KLHL29: variants seen among roughly 807,000 people sequenced by gnomAD.
The protein encoded by KLHL29 is kelch-like protein 29.
Under a neutral mutation model 80.4 loss-of-function variants are expected in KLHL29, and 21 were observed. The observed-to-expected ratio is 0.26, with a 90% CI of 0.19 to 0.38. The LOEUF (loss-of-function observed/expected upper bound fraction) is 0.38, where lower values mean the gene tolerates loss of function less well. Among genes scored for constraint, KLHL29 ranks in the 10% least tolerant of loss-of-function variants. KLHL29 has a pLI of 1.00. For missense variants in KLHL29, 867 were observed against 1,223.9 expected (o/e 0.71, Z 4.35); for synonymous variants, 511 against 526.8 (o/e 0.97, Z 0.41).
intron 3 of KLHL29, among the ~76,000 whole-genome samples, chr2:23,608,811 G>A (rs529695593): frequency 1.3e-5 from 2 of 152,074 alleles, no homozygotes; most frequent in South Asian, 4.2e-4. Flanking sequence ...TCACACAATT[G>A]TTTTTTTCTA....
At chr2:23,464,064 G>C (rs1246651831) in intron 1 of KLHL29, among the ~76,000 whole-genome samples, 1 of 152,176 alleles carries the variant, frequency 6.6e-6, no homozygotes, top group African/African-American at 2.4e-5. Context: ...GCCCTGAGAG[G>C]TTCAAAGCCT....
intron 5 of KLHL29, among the ~76,000 whole-genome samples, chr2:23,683,701 T>C (rs1041241186): frequency 6.6e-6 from 1 of 152,144 alleles, no homozygotes; most frequent in Non-Finnish European, 1.5e-5. Context: ...CTCTGCCCCA[T>C]GTCAAAGCCC....
chr2:23,706,407 C>G lies in KLHL29; in HGVS notation c.2445-74C>G, dbSNP rs113055609. The G allele has an allele frequency of 3.0e-5, 37 of 1,213,552 alleles. No homozygotes were observed. In the South Asian group the frequency reaches 6.5e-4, roughly 21 times the overall value. 75.2% of individuals were successfully genotyped at this position (1,213,552 alleles called of 1,614,324 possible). On this transcript the variant is annotated intron_variant, in intron 13 of 13. Transcript: ENST00000486442. ...GGCACAGGCAGCCTACAACAGGACA[C>G]GACGTTGAGAACCTATCTCCAGGGC... is the stretch of plus-strand genomic sequence containing the variant.
In KLHL29 at chr2:23,457,953, C is replaced by G. The variant is rs1407186947; in HGVS notation, c.-153-17607C>G. ...GCATGAACCAGGGAGGCGGAGCTTG[C>G]AGTGAACTGAGATCACGCCACTGCA... is the stretch of plus-strand genomic sequence containing the variant. On this transcript the variant is annotated intron_variant, in intron 1 of 13. Coordinates refer to ENST00000486442, the MANE Select transcript of KLHL29 (RefSeq NM_052920.2). This position sits in a 1 kb window ranked among gnomAD's most constrained non-coding sequence, Gnocchi z 4.3. Among the ~76,000 whole-genome samples, 1 of 152,104 alleles carries G rather than the reference C, an allele frequency of 6.6e-6. No individual in the cohort carries two copies. Among genetic ancestry groups the G allele is most frequent in the Non-Finnish European group, 1.5e-5 (1 of 68,010 alleles).
chr2:23,600,750 G>A (rs919436519), intron 3 of KLHL29, among the ~76,000 whole-genome samples: 3 of 152,198 alleles, frequency 2.0e-5, no homozygotes, highest in African/African-American at 7.2e-5. Context: ...CATCAGGTTG[G>A]GAGAGGGGAA....
intron 3 of KLHL29, among the ~76,000 whole-genome samples, chr2:23,599,670 G>A (rs1446871376): frequency 6.6e-6 from 1 of 152,104 alleles, no homozygotes; most frequent in Non-Finnish European, 1.5e-5. Flanking sequence ...GTCAGAACAA[G>A]AAGAATTATA....
At chr2:23,387,606 T>C (rs999484050) in intron 1 of KLHL29, among the ~76,000 whole-genome samples, 1 of 151,962 alleles carries the variant, frequency 6.6e-6, no homozygotes, top group Non-Finnish European at 1.5e-5. Flanking sequence ...AACAATTTTA[T>C]AGATTGTTCT....
intron 5 of KLHL29, among the ~76,000 whole-genome samples, chr2:23,674,383 C>T (rs1392890671): frequency 3.3e-5 from 5 of 152,180 alleles, no homozygotes; most frequent in Non-Finnish European, 7.4e-5. Flanking sequence ...GCCCCAGCCT[C>T]ATTCAGCGGT....
intron 1 of KLHL29, among the ~76,000 whole-genome samples, chr2:23,388,460 G>A (rs931564930): frequency 1.3e-5 from 2 of 152,162 alleles, no homozygotes; most frequent in East Asian, 1.9e-4. Flanking sequence ...GAAGTGTGGC[G>A]GTTGGTGTGG....
chr2:23,465,803 C>T (rs1461669914), intron 1 of KLHL29, among the ~76,000 whole-genome samples: 1 of 152,180 alleles, frequency 6.6e-6, no homozygotes, highest in Non-Finnish European at 1.5e-5. Context: ...GCTGTGAAGT[C>T]GTCCTACTCC....
In KLHL29 at chr2:23,700,585, C is replaced by A. The variant is rs1672300447; in HGVS notation, c.2106-2601C>A. ...AACCAGCAAACGCTACAAACCATGA[C>A]GTTTTCCCTAGAGAGCTGGCTGTTA... On this transcript the variant is annotated intron_variant, in intron 11 of 13. Transcript: ENST00000486442. This position sits in a 1 kb window ranked among gnomAD's most constrained non-coding sequence, Gnocchi z 4.6. Among the ~76,000 whole-genome samples the A allele has an allele frequency of 6.6e-6, 1 of 152,178 alleles. No individual in the cohort carries two copies. Among genetic ancestry groups the A allele is most frequent in the Non-Finnish European group, 1.5e-5 (1 of 68,032 alleles).
At chr2:23,410,736 A>G (rs1666842324) in intron 1 of KLHL29, among the ~76,000 whole-genome samples, 2 of 152,042 alleles carry the variant, frequency 1.3e-5, no homozygotes. Flanking sequence ...GGAGGAGGGC[A>G]TTGCATTTCC....
At chr2:23,419,502 C>T (rs1662720121) in intron 1 of KLHL29, among the ~76,000 whole-genome samples, 1 of 152,228 alleles carries the variant, frequency 6.6e-6, no homozygotes, top group Non-Finnish European at 1.5e-5. Flanking sequence ...CTCCTTGTCC[C>T]TGTCTCGCTA....
chr2:23,415,188 G>T (rs765835271), intron 1 of KLHL29, among the ~76,000 whole-genome samples: 3 of 152,216 alleles, frequency 2.0e-5, no homozygotes, highest in Non-Finnish European at 4.4e-5. Flanking sequence ...GTGTGTCGGT[G>T]CGTCCTGTTG....
intron 1 of KLHL29, among the ~76,000 whole-genome samples, chr2:23,395,074 G>A (rs1328036253): frequency 6.6e-6 from 1 of 152,186 alleles, no homozygotes. Context: ...CTTGGTCCTG[G>A]CACAGGCTGG....
At chr2:23,566,146 A>T (rs537742754) in intron 3 of KLHL29, among the ~76,000 whole-genome samples, 145 of 152,328 alleles carry the variant, frequency 9.5e-4, no homozygotes, top group Non-Finnish European at 1.6e-3. Context: ...TGGCCTAAAG[A>T]TTCCTCACGT....
chr2:23,456,066 C>T (rs577400676), intron 1 of KLHL29, among the ~76,000 whole-genome samples: 1 of 152,324 alleles, frequency 6.6e-6, no homozygotes, highest in South Asian at 2.1e-4. Flanking sequence ...ACACTTTGAT[C>T]TTGGACTTCT....
chr2:23,631,334 A>G (rs1213967923), intron 3 of KLHL29, among the ~76,000 whole-genome samples: 33 of 152,276 alleles, frequency 2.2e-4, no homozygotes, highest in Admixed American at 2.2e-3. Context: ...TGAAATTAAA[A>G]TTTAAATAAA....
intron 2 of KLHL29, among the ~76,000 whole-genome samples, chr2:23,509,593 G>C (rs1265968124): frequency 1.3e-5 from 2 of 152,146 alleles, no homozygotes; most frequent in East Asian, 1.9e-4. Flanking sequence ...TGCAAAAACA[G>C]TCTTATATCT....
Sources: allele counts gnomAD v4.1 joint callset (sites outside exome capture counted in the v4.1 genomes callset), GRCh38; gene constraint gnomAD v4.1.1; non-coding constraint Gnocchi (gnomAD v3.1); transcripts MANE v1.5; gene names NCBI Gene and HGNC (gene_info 2026-07-23, HGNC 2026-07-21).